The following UBAC2 variants were observed in gnomAD, a reference collection of about 807,000 sequenced individuals.
The protein encoded by UBAC2 is UBA domain containing 2, also known as ubiquitin-associated domain-containing protein 2.
UBAC2 carries 26 observed loss-of-function variants against 44.0 expected under a neutral mutation model. The observed-to-expected ratio is 0.59, with a 90% confidence interval of 0.43 to 0.82. The LOEUF is 0.82. Ranked by LOEUF, UBAC2 falls within the 40% of genes least tolerant of loss-of-function variation. The pLI is 0.00. For missense variants in UBAC2, 329 were observed against 419.4 expected, an observed-to-expected ratio of 0.78 and a Z score of 1.88; for synonymous variants, 155 against 154.3, an observed-to-expected ratio of 1.00 and a Z score of -0.04.
intron 6 of UBAC2, among the ~76,000 whole-genome samples, chr13:99,335,419 T>TAAA (rs2044773411): frequency 6.6e-6 from 1 of 152,078 alleles, no homozygotes; most frequent in Admixed American, 6.5e-5. Flanking sequence ...CTCTCTTCAT[T>TAAA]AAAAATATAT....
intron 6 of UBAC2, 69 bp from the exon 7 acceptor site, chr13:99,340,251 T>A: frequency 6.4e-7 from 1 of 1,563,592 alleles, no homozygotes; most frequent in Non-Finnish European, 8.7e-7. Context: ...GGCTGCTGAT[T>A]TTTGAGTCGT....
chr13:99,242,115 G>C (rs1301121565), intron 2 of UBAC2, among the ~76,000 whole-genome samples: 3 of 152,000 alleles, frequency 2.0e-5, no homozygotes, highest in Non-Finnish European at 4.4e-5. Flanking sequence ...AGAACAAAAT[G>C]AAAAGTCTCC....
rs879243634 is a variant in UBAC2 at position 99,314,259 on chromosome 13, G to A, written c.513+39G>A. On this transcript the variant is annotated intron_variant, in intron 5 of 8. Coordinates refer to ENST00000403766, the MANE Select transcript of UBAC2 (RefSeq NM_001144072.2). ...TTTTATGTTCACTTTTCTTTAACCA[G>A]ATCTTTTTTTTTTTTTTTTTTGGTC... The A allele has an allele frequency of 6.6e-6, 7 of 1,063,140 alleles. No homozygotes were observed. The South Asian group carries it at 6.9e-5, about 10-fold the overall frequency. 65.9% of individuals were successfully genotyped at this position (1,063,140 alleles called of 1,614,324 possible). A position where few individuals can be genotyped will look rare whatever the true frequency, so the allele number is the denominator to read the frequency against.
At chr13:99,265,661 G>A (rs977767255) in intron 4 of UBAC2, among the ~76,000 whole-genome samples, 1 of 152,146 alleles carries the variant, frequency 6.6e-6, no homozygotes, top group African/African-American at 2.4e-5. Flanking sequence ...ACGTTTCAGC[G>A]CATCTAGAGT....
chr13:99,376,244 A>G (rs926175467), intron 8 of UBAC2, among the ~76,000 whole-genome samples: 1 of 152,166 alleles, frequency 6.6e-6, no homozygotes, highest in Non-Finnish European at 1.5e-5. Context: ...TCTTGTGGCA[A>G]CGCCTATTTC....
chr13:99,299,787 A>G (rs182781978), intron 4 of UBAC2, among the ~76,000 whole-genome samples: 1 of 152,270 alleles, frequency 6.6e-6, no homozygotes, highest in African/African-American at 2.4e-5. Flanking sequence ...CAGCAGCCCT[A>G]TGAGCTTGAG....
chr13:99,338,047 C>CTTTTCTTTTTTTTTTTTTTTTTTTTTTT (rs2044820894), intron 6 of UBAC2, among the ~76,000 whole-genome samples: 1 of 48,852 alleles, frequency 2.0e-5, no homozygotes, highest in African/African-American at 7.1e-5. Context: ...TTCTTTTTTT[C>CTTTTCTTTTTTTTTTTTTTTTTTTTTTT]TTTTTTTTTT....
chr13:99,290,230 A>C (rs1278733606), intron 4 of UBAC2, among the ~76,000 whole-genome samples: 1 of 152,236 alleles, frequency 6.6e-6, no homozygotes, highest in East Asian at 1.9e-4. Context: ...GATTTGAATG[A>C]GCACTTTATA....
rs1401165185 is a variant in UBAC2 at position 99,215,702 on chromosome 13, G to GGAAACCGCCTTTGTCTTGGCC, written c.31+14764_31+14784dup. ...ACTGCAAGCCGGCTCTCTGCGAGCG[G>GGAAACCGCCTTTGTCTTGGCC]GAAACCGCCTTTGTCTTGGCCTTTC... is the stretch of plus-strand genomic sequence containing the variant. On this transcript the variant is annotated intron_variant, in intron 1 of 8. Coordinates refer to ENST00000403766, the MANE Select transcript of UBAC2 (RefSeq NM_001144072.2). 1.9e-5 allele frequency: 29 copies of GGAAACCGCCTTTGTCTTGGCC among 1,499,170 alleles called. No individual in the cohort carries two copies. In the South Asian group the frequency reaches 2.4e-4, roughly 13 times the overall value. 92.9% of individuals were successfully genotyped at this position (1,499,170 alleles called of 1,614,324 possible). A position where few individuals can be genotyped will look rare whatever the true frequency, so the allele number is the denominator to read the frequency against.
chr13:99,254,824 G>C (rs1049474617), intron 4 of UBAC2: 2 of 1,382,496 alleles, frequency 1.4e-6, no homozygotes, highest in African/African-American at 1.4e-5. Context: ...ATTGACGCCA[G>C]AGTAGTTAGT....
intron 6 of UBAC2, among the ~76,000 whole-genome samples, chr13:99,335,021 AAC>A (rs1415136544): frequency 1.3e-5 from 2 of 152,212 alleles, no homozygotes; most frequent in African/African-American, 4.8e-5. Flanking sequence ...TATTACTAAA[AAC>A]ACAGCAGAAT....
At chr13:99,324,034 C>G (rs1294178670) in intron 6 of UBAC2, among the ~76,000 whole-genome samples, 1 of 152,168 alleles carries the variant, frequency 6.6e-6, no homozygotes. Context: ...CCTCACCTAC[C>G]CCTGTCACTT....
chr13:99,243,434 T>C (rs187762944), intron 2 of UBAC2, among the ~76,000 whole-genome samples: 1 of 152,292 alleles, frequency 6.6e-6, no homozygotes, highest in African/African-American at 2.4e-5. Flanking sequence ...TTTGAGTTTA[T>C]ACCTAAGTTG....
In UBAC2 at chr13:99,318,014, T is replaced by C. The variant is rs2044515739; in HGVS notation, c.514-8T>C. 7 of 1,604,046 alleles carry C rather than the reference T, an allele frequency of 4.4e-6. No individual in the cohort carries two copies. The South Asian group carries it at 5.7e-5, about 13-fold the overall frequency. On this transcript the variant is annotated splice_region_variant and splice_polypyrimidine_tract_variant and intron_variant, in intron 5 of 8. Coordinates refer to ENST00000403766, the MANE Select transcript of UBAC2 (RefSeq NM_001144072.2). ...TATTTTTAGTTGCCTTTTTTTTTTC[T>C]TTTATAGCTTTTCACCTCTGGTTCC... is the stretch of plus-strand genomic sequence containing the variant.
chr13:99,360,881 G>T (rs2045256195), intron 7 of UBAC2, among the ~76,000 whole-genome samples: 1 of 152,096 alleles, frequency 6.6e-6, no homozygotes, highest in African/African-American at 2.4e-5. Context: ...GAGGAGATGG[G>T]GCGCTCTTCG....
chr13:99,313,697 G>A (rs533758233), intron 4 of UBAC2, among the ~76,000 whole-genome samples: 1 of 152,234 alleles, frequency 6.6e-6, no homozygotes, highest in East Asian at 1.9e-4. Context: ...CAGTGCCATG[G>A]CGACAGATCA....
intron 1 of UBAC2, among the ~76,000 whole-genome samples, chr13:99,217,665 G>A (rs770988120): frequency 3.3e-5 from 5 of 152,196 alleles, no homozygotes; most frequent in Admixed American, 6.5e-5. Flanking sequence ...CCCACCCCGC[G>A]GTGCTTCTCC....
chr13:99,319,452 G>A (rs1055728273), intron 6 of UBAC2, among the ~76,000 whole-genome samples: 8 of 152,096 alleles, frequency 5.3e-5, no homozygotes, highest in Non-Finnish European at 8.8e-5. Flanking sequence ...GGTATTTGGG[G>A]CTAGTGTGTC....
intron 7 of UBAC2, among the ~76,000 whole-genome samples, chr13:99,366,603 G>C (rs935720610): frequency 6.8e-6 from 1 of 146,868 alleles, no homozygotes; most frequent in Non-Finnish European, 1.5e-5. Context: ...TGCTGTCTCC[G>C]GGGGAAGACA....
Sources: allele counts gnomAD v4.1 joint callset (sites outside exome capture counted in the v4.1 genomes callset), GRCh38; gene constraint gnomAD v4.1.1; transcripts MANE v1.5; gene names NCBI Gene and HGNC (gene_info 2026-07-23, HGNC 2026-07-21).